The following SMAD3 variants were observed in gnomAD, a reference collection of about 807,000 sequenced individuals.
The protein encoded by SMAD3 is SMAD family member 3, also known as MAD homolog 3.
A neutral mutation model predicts 51.8 loss-of-function variants in SMAD3; 12 were observed. The observed-to-expected ratio is 0.23, with a 90% CI of 0.15 to 0.38. SMAD3 has a LOEUF of 0.38. Among genes scored for constraint, SMAD3 ranks in the 10% least tolerant of loss-of-function variants. SMAD3 has a pLI of 1.00. For synonymous variants in SMAD3, 238 were observed against 227.7 expected, an observed-to-expected ratio of 1.05 and a Z score of -0.41; for missense variants, 294 against 565.6, an observed-to-expected ratio of 0.52 and a Z score of 4.87.
intron 1 of SMAD3, among the ~76,000 whole-genome samples, chr15:67,119,617 A>T (rs1052762716): frequency 6.6e-6 from 1 of 152,240 alleles, no homozygotes; most frequent in African/African-American, 2.4e-5. Flanking sequence ...AAAGACATTC[A>T]TAAAATTCAG....
chr15:67,148,992 A>G (rs1033339839), intron 1 of SMAD3, among the ~76,000 whole-genome samples: 2 of 152,156 alleles, frequency 1.3e-5, no homozygotes, highest in African/African-American at 2.4e-5. Flanking sequence ...ACTTCATCAT[A>G]CCAGGCCTTT....
Position 67,192,454 on chromosome 15 carries a change from ATG to A in SMAD3, c.*1919_*1920del. On this transcript the variant is annotated 3_prime_UTR_variant, in exon 9 of 9. Transcript: ENST00000327367. ...GTCTGAAGTATGTGCCTGGTGTGAA[ATG>A]ATCTATGGCCTGTTTCTTACACAGG... 1 of 233,438 alleles carries A rather than the reference ATG, an allele frequency of 4.3e-6. No homozygotes were observed. Among genetic ancestry groups the A allele is most frequent in the Non-Finnish European group, 8.5e-6 (1 of 118,050 alleles). 14.5% of individuals were successfully genotyped at this position (233,438 alleles called of 1,614,324 possible).
intron 1 of SMAD3, among the ~76,000 whole-genome samples, chr15:67,092,543 T>C (rs1345455377): frequency 1.3e-5 from 2 of 152,098 alleles, no homozygotes; most frequent in Non-Finnish European, 2.9e-5. Flanking sequence ...CAGTCTGAAT[T>C]TTGTACACTC....
intron 1 of SMAD3, among the ~76,000 whole-genome samples, chr15:67,094,309 C>T (rs1960569100): frequency 6.6e-6 from 1 of 152,256 alleles, no homozygotes; most frequent in Admixed American, 6.5e-5. Context: ...CCAGCTGCTC[C>T]TGTTCATCCT....
At chr15:67,147,208 G>A (rs1473856522) in intron 1 of SMAD3, among the ~76,000 whole-genome samples, 6 of 152,190 alleles carry the variant, frequency 3.9e-5, no homozygotes, top group African/African-American at 1.4e-4. Context: ...CGGGAGATGG[G>A]CCCAGGCTTG....
chr15:67,176,480 G>A (rs749982078), intron 5 of SMAD3, among the ~76,000 whole-genome samples: 6 of 152,204 alleles, frequency 3.9e-5, no homozygotes, highest in Admixed American at 6.5e-5. Context: ...CAGTGCTCCT[G>A]GCCTTTGCCC....
At chr15:67,180,623 C>A (rs1963025605) in intron 5 of SMAD3, among the ~76,000 whole-genome samples, 1 of 151,326 alleles carries the variant, frequency 6.6e-6, no homozygotes, top group Non-Finnish European at 1.5e-5. Flanking sequence ...CTGGTGTGTC[C>A]ACTGCGCCAA....
intron 1 of SMAD3, among the ~76,000 whole-genome samples, chr15:67,122,645 T>C (rs562743586): frequency 6.6e-6 from 1 of 152,326 alleles, no homozygotes; most frequent in South Asian, 2.1e-4. Flanking sequence ...AAGCCAGGAC[T>C]TACCTGACTT....
chr15:67,107,937 G>A (rs889457411), intron 1 of SMAD3, among the ~76,000 whole-genome samples: 12 of 151,492 alleles, frequency 7.9e-5, no homozygotes, highest in South Asian at 2.1e-4. Context: ...TCATCTCCCC[G>A]AGCAGCCTCC....
chr15:67,084,459 C>T (rs548538992), intron 1 of SMAD3, among the ~76,000 whole-genome samples: 1 of 152,228 alleles, frequency 6.6e-6, no homozygotes, highest in South Asian at 2.1e-4. Context: ...CATATATTTT[C>T]CTGGGGGACA....
At chr15:67,172,208 C>T (rs1962771973) in intron 5 of SMAD3, among the ~76,000 whole-genome samples, 1 of 151,756 alleles carries the variant, frequency 6.6e-6, no homozygotes, top group Non-Finnish European at 1.5e-5. Flanking sequence ...TTCTCCCTCC[C>T]TACTGCCCCT....
chr15:67,138,884 C>A (rs1245468251), intron 1 of SMAD3, among the ~76,000 whole-genome samples: 1 of 152,214 alleles, frequency 6.6e-6, no homozygotes, highest in East Asian at 1.9e-4. Context: ...AATATAATTT[C>A]TTTGAATGTG....
At chr15:67,120,288 T>G (rs1961230108) in intron 1 of SMAD3, among the ~76,000 whole-genome samples, 1 of 152,012 alleles carries the variant, frequency 6.6e-6, no homozygotes, top group African/African-American at 2.4e-5. Context: ...GGAACAGAGG[T>G]GATAAGAGCC....
intron 3 of SMAD3, among the ~76,000 whole-genome samples, chr15:67,165,716 C>G (rs1962567276): frequency 6.6e-6 from 1 of 152,184 alleles, no homozygotes; most frequent in Non-Finnish European, 1.5e-5. Context: ...GTGTTCAGTC[C>G]CAATAGACTG....
At chr15:67,099,077 G>T in intron 1 of SMAD3, 1 of 697,816 alleles carries the variant, frequency 1.4e-6, no homozygotes, top group Admixed American at 2.0e-5. Context: ...GTTGATTCAT[G>T]TGTCAGCCTT....
At chr15:67,099,015 G>A (rs535786992) in intron 1 of SMAD3, 3 of 700,854 alleles carry the variant, frequency 4.3e-6, no homozygotes, top group Admixed American at 2.0e-5. Flanking sequence ...CCTGAGCGAG[G>A]ATCAACTCTG....
chr15:67,127,990 T>C (rs1288924304), intron 1 of SMAD3: 1 of 152,224 alleles, frequency 6.6e-6, no homozygotes, highest in Non-Finnish European at 1.5e-5. Flanking sequence ...CCACCAGTTC[T>C]CCCTTTCCAA....
intron 6 of SMAD3, among the ~76,000 whole-genome samples, chr15:67,183,020 TATATATATA>T (rs1235459464): frequency 5.2e-5 from 4 of 77,324 alleles, no homozygotes; most frequent in African/African-American, 2.4e-4. Flanking sequence ...TATATATATA[TATATATATA>T]TATTTTTTTT....
Position 67,191,375 on chromosome 15 carries a change from G to T in SMAD3, c.*839G>T, listed in dbSNP as rs1041844857. 1 of 233,422 alleles carries T rather than the reference G, an allele frequency of 4.3e-6. No homozygotes were observed. The highest frequency in any genetic ancestry group is 8.5e-6 in the Non-Finnish European group (1 of 118,064). The allele number at this position is 233,422 out of a possible 1,614,324, so 14.5% of individuals were successfully genotyped here. On this transcript the variant is annotated 3_prime_UTR_variant, in exon 9 of 9. Transcript: ENST00000327367. ...TCTCATGAAGCAGGAGGCCCTTGTC[G>T]TGGGATGGCATTTGGTCTCAGGCAG...
Sources: allele counts gnomAD v4.1 joint callset (sites outside exome capture counted in the v4.1 genomes callset), GRCh38; gene constraint gnomAD v4.1.1; transcripts MANE v1.5; gene names NCBI Gene and HGNC (gene_info 2026-07-23, HGNC 2026-07-21).